DCAF13: variants seen among roughly 807,000 people sequenced by gnomAD.
DCAF13 encodes the protein DDB1- and CUL4-associated factor 13.
A neutral mutation model predicts 59.0 loss-of-function variants in DCAF13; 38 were observed. The observed-to-expected ratio is 0.64, with a 90% CI of 0.50 to 0.84. The LOEUF (loss-of-function observed/expected upper bound fraction) is 0.84. Ranked by LOEUF, DCAF13 falls within the 40% of genes least tolerant of loss-of-function variation. The pLI, the probability that DCAF13 is intolerant of heterozygous loss-of-function variation, is 0.00. For missense variants in DCAF13, 469 were observed against 558.4 expected, an observed-to-expected ratio of 0.84 and a Z score of 1.61; for synonymous variants, 173 against 175.0, an observed-to-expected ratio of 0.99 and a Z score of 0.09.
chr8:103,440,529 T>C (rs1349345428), intron 9 of DCAF13: 4 of 241,558 alleles, frequency 1.7e-5, no homozygotes, highest in Non-Finnish European at 2.4e-5. Context: ...TTTGATAATA[T>C]TGAGTCTTAC....
At chr8:103,432,611 AAAG>A (rs769990620) in intron 6 of DCAF13, 45 bp from the exon 7 acceptor site, 1 of 1,228,844 alleles carries the variant, frequency 8.1e-7, no homozygotes, top group South Asian at 1.2e-5. Context: ...TCAGTGGGGA[AAAG>A]AAAAGGAAAG....
At chr8:103,439,979 ATTAG>A in intron 8 of DCAF13, 153 bp from the exon 9 acceptor site, 1 of 486,228 alleles carries the variant, frequency 2.1e-6, no homozygotes, top group Non-Finnish European at 3.3e-6. Context: ...ACGGAACCTT[ATTAG>A]TTGGGTTCAA....
chr8:103,416,161 A>G (rs1816608901), intron 1 of DCAF13, among the ~76,000 whole-genome samples: 1 of 152,252 alleles, frequency 6.6e-6, no homozygotes, highest in South Asian at 2.1e-4. Context: ...GTCTTCAGGC[A>G]GGAATGAACC....
Position 103,432,643 on chromosome 8 carries a change from A to G in DCAF13, c.703-16A>G, listed in dbSNP as rs1326036544. On this transcript the variant is annotated splice_polypyrimidine_tract_variant and intron_variant, in intron 6 of 10. Coordinates refer to ENST00000612750, the MANE Select transcript of DCAF13 (RefSeq NM_015420.7). ...AGGAAAGGAAGTGGGAAATTCATCC[A>G]TTCTTCCTTTCTCAGGTTATCTTAG... The G allele has an allele frequency of 6.7e-7, 1 of 1,500,768 alleles. No individual in the cohort carries two copies. Among genetic ancestry groups the G allele is most frequent in the Admixed American group, 1.7e-5 (1 of 57,184 alleles). 93.0% of individuals were successfully genotyped at this position (1,500,768 alleles called of 1,614,324 possible). A position where few individuals can be genotyped will look rare whatever the true frequency, so the allele number is the denominator to read the frequency against.
chr8:103,421,353 G>T, intron 3 of DCAF13: 1 of 515,772 alleles, frequency 1.9e-6, no homozygotes, highest in Non-Finnish European at 3.5e-6. Flanking sequence ...TACTCTGGAG[G>T]ATTTTTGATG....
intron 1 of DCAF13, among the ~76,000 whole-genome samples, chr8:103,416,682 T>G (rs1816620561): frequency 1.3e-5 from 2 of 152,222 alleles, no homozygotes; most frequent in South Asian, 4.1e-4. Flanking sequence ...GTCTCATGAT[T>G]ATTATTTTGG....
chr8:103,417,467 C>T (rs1237855579), intron 1 of DCAF13, among the ~76,000 whole-genome samples: 1 of 151,116 alleles, frequency 6.6e-6, no homozygotes, highest in Non-Finnish European at 1.5e-5. Context: ...CAGTGAAATC[C>T]CGTCTCTACT....
chr8:103,415,433 G>T lies in DCAF13; in HGVS notation c.-14G>T, dbSNP rs1816593369. ...GCGGACACCTCGTGGAGTCCGGCCG[G>T]AAGAGCAACCGAGATGAAGGTGAAG... On this transcript the variant is annotated 5_prime_UTR_variant, in exon 1 of 11. Coordinates refer to ENST00000612750, the MANE Select transcript of DCAF13 (RefSeq NM_015420.7). 1.2e-6 allele frequency: 2 copies of T among 1,614,036 alleles called. No homozygotes were observed. Among genetic ancestry groups the T allele is most frequent in the South Asian group, 1.1e-5 (1 of 91,090 alleles).
At chr8:103,418,872 T>A (rs1399291444) in intron 1 of DCAF13, among the ~76,000 whole-genome samples, 1,281 of 31,492 alleles carry the variant, frequency 0.041, 20 homozygotes, top group East Asian at 0.16. Context: ...ATATATTTTT[T>A]TTTTTTTTTT....
At chr8:103,435,898 G>T in intron 8 of DCAF13, 108 bp downstream of exon 8, 3 of 1,181,604 alleles carry the variant, frequency 2.5e-6, no homozygotes, top group Non-Finnish European at 3.7e-6. Flanking sequence ...AACATCATCA[G>T]AGTGCACTTA....
At chr8:103,423,938 A>AG (rs1214241360) in intron 3 of DCAF13, among the ~76,000 whole-genome samples, 4 of 152,174 alleles carry the variant, frequency 2.6e-5, no homozygotes, top group African/African-American at 9.6e-5. Context: ...CCTGGGCTCA[A>AG]GCCTGTCTCA....
intron 1 of DCAF13, among the ~76,000 whole-genome samples, chr8:103,418,147 A>G (rs1488589436): frequency 1.3e-5 from 2 of 152,022 alleles, no homozygotes; most frequent in Non-Finnish European, 2.9e-5. Context: ...AGAAAAAAAA[A>G]GACATCTGAT....
intron 9 of DCAF13, chr8:103,440,501 C>T (rs1217788791): frequency 6.5e-6 from 2 of 305,642 alleles, no homozygotes; most frequent in African/African-American, 4.3e-5. Context: ...CTTCAGAATG[C>T]CTTTGTTAAT....
At chr8:103,430,756 C>G (rs537861370) in intron 6 of DCAF13, 67 bp downstream of exon 6, 105 of 1,127,170 alleles carry the variant, frequency 9.3e-5, no homozygotes, top group Non-Finnish European at 1.2e-4. Flanking sequence ...AATAGAGTGA[C>G]TAACAATATG....
chr8:103,426,202 T>C, intron 4 of DCAF13, 57 bp downstream of exon 4: 2 of 1,056,060 alleles, frequency 1.9e-6, no homozygotes, highest in Non-Finnish European at 2.7e-6. Context: ...TTTAAAATTA[T>C]TTTATAGTTA....
At chr8:103,433,250 G>C (rs1455208120) in intron 7 of DCAF13, among the ~76,000 whole-genome samples, 1 of 152,142 alleles carries the variant, frequency 6.6e-6, no homozygotes, top group Non-Finnish European at 1.5e-5. Context: ...GTATTGCGGT[G>C]AGTATCAGGT....
At chr8:103,420,617 C>A in intron 2 of DCAF13, 154 bp downstream of exon 2, 1 of 712,948 alleles carries the variant, frequency 1.4e-6, no homozygotes, top group South Asian at 1.9e-5. Flanking sequence ...GTATTTTCTT[C>A]TTTAAACCTA....
chr8:103,441,753 G>T, intron 10 of DCAF13, 135 bp downstream of exon 10: 1 of 846,152 alleles, frequency 1.2e-6, no homozygotes, highest in Non-Finnish European at 1.8e-6. Context: ...TGTGTTTGAA[G>T]ACTTCTACAG....
intron 1 of DCAF13, among the ~76,000 whole-genome samples, chr8:103,419,222 C>T (rs148230364): frequency 5.3e-5 from 8 of 152,078 alleles, no homozygotes; most frequent in African/African-American, 1.7e-4. Flanking sequence ...TGTTTAGCAG[C>T]GTATCAGGAC....
Sources: allele counts gnomAD v4.1 joint callset (sites outside exome capture counted in the v4.1 genomes callset), GRCh38; gene constraint gnomAD v4.1.1; transcripts MANE v1.5; gene names NCBI Gene and HGNC (gene_info 2026-07-23, HGNC 2026-07-21).